Variants in LUZP1 observed in about 807,000 individuals in gnomAD.
LUZP1 encodes leucine zipper protein 1.
A neutral mutation model predicts 71.3 loss-of-function variants in LUZP1; 25 were observed. That is an observed-to-expected ratio of 0.35 (90% confidence interval 0.26 to 0.49). LUZP1 has a LOEUF of 0.49. Among genes scored for constraint, LUZP1 ranks in the 20% least tolerant of loss-of-function variants. LUZP1 has a pLI of 0.99. For missense variants in LUZP1, 1,142 were observed against 1,300.8 expected (o/e 0.88, Z 1.88); for synonymous variants, 481 against 506.4 (o/e 0.95, Z 0.67).
Position 23,093,989 on chromosome 1 carries a change from C to G in LUZP1, c.273G>C (p.Leu91=). Residue 91 remains leucine (L), a synonymous_variant, in exon 4 of 5, where the codon CTG becomes CTC. Coordinates refer to ENST00000302291, the Ensembl canonical transcript of LUZP1. This position sits in a 1 kb window ranked among gnomAD's most constrained non-coding sequence, Gnocchi z 4.2. ...CTTCCTCTTCAAGTTTCTCCTTCATCAGACGACACAGATCCTCTGCTCTCT... is the reference window on the plus strand; with the variant it reads ...CTTCCTCTTCAAGTTTCTCCTTCATGAGACGACACAGATCCTCTGCTCTCT... 6.2e-7 allele frequency: 1 copy of G among 1,614,218 alleles called. No homozygotes were observed. Among genetic ancestry groups the G allele is most frequent in the Non-Finnish European group, 8.5e-7 (1 of 1,180,038 alleles).
chr1:23,091,826 C>A (rs1489760175), exon 4 of LUZP1: 1 of 1,614,008 alleles, frequency 6.2e-7, no homozygotes, highest in African/African-American at 1.3e-5. Context: ...CCCTCAGGGC[C>A]TCACCCGGAG....
chr1:23,084,206 A>AAATCT (rs1400395375), exon 5 of LUZP1: 5 of 152,230 alleles, frequency 3.3e-5, no homozygotes, highest in African/African-American at 7.2e-5. Flanking sequence ...AAAAAAACAG[A>AAATCT]AATCTATTCG....
At chr1:23,172,806 T>C (rs1308912591) in intron 1 of LUZP1, among the ~76,000 whole-genome samples, 2 of 151,504 alleles carry the variant, frequency 1.3e-5, no homozygotes, top group African/African-American at 4.8e-5. Flanking sequence ...TGAGCCACCA[T>C]GCCCAGCCAA....
intron 1 of LUZP1, among the ~76,000 whole-genome samples, chr1:23,173,210 T>A (rs1350555214): frequency 6.6e-6 from 1 of 151,580 alleles, no homozygotes; most frequent in Non-Finnish European, 1.5e-5. Context: ...TGAGCTATGA[T>A]CTCTGCACTG....
intron 1 of LUZP1, among the ~76,000 whole-genome samples, chr1:23,169,808 G>A (rs536400810): frequency 3.3e-5 from 5 of 152,262 alleles, no homozygotes; most frequent in African/African-American, 1.2e-4. Flanking sequence ...CCACACGCTG[G>A]CACGCAGCAG....
In LUZP1 at chr1:23,138,695, GTGTATA is replaced by G. The variant is rs1458409549; in HGVS notation, c.-225-29574_-225-29569del. Reference sequence around the variant, plus strand: ...TGTGTGTGTGTGTGTGTGTGTGTGTGTGTATATATATATATATATAAATGAGGCCAG... The same window carrying G: ...TGTGTGTGTGTGTGTGTGTGTGTGTGTATATATATATATAAATGAGGCCAG... On this transcript the variant is annotated intron_variant, in intron 2 of 4. Transcript: ENST00000302291. Among the ~76,000 whole-genome samples, 954 of 109,588 alleles carry G rather than the reference GTGTATA, an allele frequency of 8.7e-3. 10 individuals carry two copies. Among genetic ancestry groups the G allele is most frequent in the African/African-American group, 0.044 (913 of 20,532 alleles). 71.9% of individuals were successfully genotyped at this position (109,588 alleles called of 152,430 possible).
intron 2 of LUZP1, among the ~76,000 whole-genome samples, chr1:23,130,481 A>G (rs1644205464): frequency 6.6e-6 from 1 of 151,904 alleles, no homozygotes; most frequent in Non-Finnish European, 1.5e-5. Flanking sequence ...AAAGAGGGAA[A>G]GAGAGGCGGG....
Position 23,094,594 on chromosome 1 carries a change from T to C in LUZP1, c.-119-214A>G, listed in dbSNP as rs1643883192. Among the ~76,000 whole-genome samples the C allele has an allele frequency of 6.6e-6, 1 of 152,198 alleles. No individual in the cohort carries two copies. On this transcript the variant is annotated intron_variant, in intron 3 of 4. Transcript: ENST00000302291. This position sits in a 1 kb window ranked among gnomAD's most constrained non-coding sequence, Gnocchi z 4.7. Reference sequence around the variant, plus strand: ...TACCTCATTTCGCCCTAATAAAGAATGTCACCAGTGGCAGCATGGCAAAAA... The same window carrying C: ...TACCTCATTTCGCCCTAATAAAGAACGTCACCAGTGGCAGCATGGCAAAAA...
At chr1:23,173,238 C>G (rs1644562504) in intron 1 of LUZP1, among the ~76,000 whole-genome samples, 1 of 149,800 alleles carries the variant, frequency 6.7e-6, no homozygotes, top group Non-Finnish European at 1.5e-5. Context: ...GCCTGAGTGA[C>G]AGAGAAAGAC....
chr1:23,162,437 CTTTTA>C (rs1557694236), intron 2 of LUZP1, among the ~76,000 whole-genome samples: 2 of 149,908 alleles, frequency 1.3e-5, no homozygotes, highest in African/African-American at 5.0e-5. Context: ...ACGTAATATA[CTTTTA>C]TTTTTTTTTT....
intron 2 of LUZP1, among the ~76,000 whole-genome samples, chr1:23,159,104 G>A (rs964137722): frequency 1.3e-5 from 2 of 152,058 alleles, no homozygotes; most frequent in African/African-American, 4.8e-5. Flanking sequence ...ACTTTGGGAG[G>A]CTGAGGAGGG....
At chr1:23,095,666 G>A (rs1643888498) in intron 3 of LUZP1, among the ~76,000 whole-genome samples, 1 of 152,128 alleles carries the variant, frequency 6.6e-6, no homozygotes, top group East Asian at 1.9e-4. Flanking sequence ...ACAGCTCCAG[G>A]ATAACTAGTG....
exon 4 of LUZP1, chr1:23,091,507 T>C (rs1212010929): frequency 1.2e-6 from 2 of 1,614,196 alleles, no homozygotes; most frequent in Non-Finnish European, 1.7e-6. Flanking sequence ...TTCCGCACAG[T>C]AACATGTCTG....
At chr1:23,138,997 CAAAA>C (rs535524035) in intron 2 of LUZP1, among the ~76,000 whole-genome samples, 27 of 21,574 alleles carry the variant, frequency 1.3e-3, no homozygotes, top group African/African-American at 4.4e-3. Context: ...GACTCCATCT[CAAAA>C]AAAAAAAAAA....
Position 23,161,148 on chromosome 1 carries a change from T to C in LUZP1, c.-226+7618A>G, listed in dbSNP as rs189353154. 3.2e-4 allele frequency among the ~76,000 whole-genome samples: 48 copies of C among 152,350 alleles called. No homozygotes were observed. In the East Asian group the frequency reaches 3.7e-3, roughly 12 times the overall value. ...AATACCTACTCTATGTCAGTCACTGTGTTAGGCACTAGAGATACACTGGAG... is the reference window on the plus strand; with the variant it reads ...AATACCTACTCTATGTCAGTCACTGCGTTAGGCACTAGAGATACACTGGAG... On this transcript the variant is annotated intron_variant, in intron 2 of 4. Transcript: ENST00000302291.
chr1:23,159,290 G>A (rs1049459656), intron 2 of LUZP1, among the ~76,000 whole-genome samples: 5 of 151,632 alleles, frequency 3.3e-5, no homozygotes, highest in South Asian at 4.2e-4. Context: ...GCAGTGAGCC[G>A]AGATCACACC....
intron 2 of LUZP1, among the ~76,000 whole-genome samples, chr1:23,155,039 T>C (rs1254511587): frequency 6.6e-6 from 1 of 152,126 alleles, no homozygotes; most frequent in Non-Finnish European, 1.5e-5. Flanking sequence ...TATTTTCGCA[T>C]ATGTTGGAAA....
intron 3 of LUZP1, among the ~76,000 whole-genome samples, chr1:23,105,041 T>C (rs1440153625): frequency 1.3e-5 from 2 of 152,180 alleles, no homozygotes; most frequent in Admixed American, 6.5e-5. Flanking sequence ...TGCAAGTGGA[T>C]ATGGGAAGCA....
At chr1:23,118,827 C>A (rs555570363) in intron 2 of LUZP1, among the ~76,000 whole-genome samples, 1 of 152,288 alleles carries the variant, frequency 6.6e-6, no homozygotes, top group African/African-American at 2.4e-5. Context: ...ATTTCTCTAA[C>A]CAAATGGGCT....
Sources: gnomAD v4.1 joint callset for allele counts (sites outside exome capture counted in the v4.1 genomes callset) on GRCh38, gnomAD v4.1.1 for gene constraint, Gnocchi (gnomAD v3.1) non-coding constraint, MANE v1.5 for transcripts, NCBI Gene and HGNC (gene_info 2026-07-23, HGNC 2026-07-21) for gene names.